The following KLHL13 variants were observed in gnomAD, a reference collection of about 807,000 sequenced individuals.
KLHL13 encodes kelch-like protein 13.
Under a neutral mutation model 37.1 loss-of-function variants are expected in KLHL13, and 10 were observed. The ratio of observed to expected loss-of-function variants is 0.27; its 90% CI spans 0.17 to 0.46. KLHL13 has a LOEUF of 0.46. Among genes scored for constraint, KLHL13 ranks in the 20% least tolerant of loss-of-function variants. The pLI is 1.00. For synonymous variants in KLHL13, 163 were observed against 181.2 expected, an observed-to-expected ratio of 0.90 and a Z score of 0.81; for missense variants, 360 against 509.3, an observed-to-expected ratio of 0.71 and a Z score of 2.82.
chrX:118,030,475 A>G (rs947807195), intron 1 of KLHL13, among the ~76,000 whole-genome samples: 3 of 111,957 alleles, frequency 2.7e-5, no homozygotes, highest in African/African-American at 9.7e-5. Context: ...AATTGCATCT[A>G]GGATGAAACA....
intron 1 of KLHL13, among the ~76,000 whole-genome samples, chrX:117,952,607 A>G (rs1245163022): frequency 9.2e-6 from 1 of 108,998 alleles, no homozygotes; most frequent in Non-Finnish European, 1.9e-5. Flanking sequence ...TACCATCAGA[A>G]TGAACAGGCA....
chrX:117,930,306 C>CAGGCAGGCAGGAAGGCAGGA (rs1932379984), intron 2 of KLHL13, among the ~76,000 whole-genome samples: 1 of 99,131 alleles, frequency 1.0e-5, no homozygotes, highest in African/African-American at 3.8e-5. Context: ...GGCAGGCAGG[C>CAGGCAGGCAGGAAGGCAGGA]AGGCAGGCAG....
chrX:118,039,780 C>T (rs1254381490), intron 1 of KLHL13, among the ~76,000 whole-genome samples: 2 of 111,188 alleles, frequency 1.8e-5, no homozygotes, highest in African/African-American at 3.3e-5. Flanking sequence ...GAGCCTTGGG[C>T]AAAACCCAGG....
chrX:118,036,431 C>T (rs2054442347), intron 1 of KLHL13, among the ~76,000 whole-genome samples: 2 of 111,020 alleles, frequency 1.8e-5, no homozygotes, highest in East Asian at 5.7e-4. Flanking sequence ...CCCTCAGAAA[C>T]AACGCCGCAT....
At chrX:118,011,008 G>A (rs1229336520) in intron 1 of KLHL13, among the ~76,000 whole-genome samples, 1 of 110,191 alleles carries the variant, frequency 9.1e-6, no homozygotes, top group African/African-American at 3.3e-5. Context: ...GGGAAGTCAA[G>A]GCTGCAGTGA....
upstream of KLHL13, chrX:118,116,867 G>A (rs1207146243): frequency 2.4e-5 from 2 of 83,059 alleles, no homozygotes; most frequent in South Asian, 6.4e-4. Flanking sequence ...GGGGGCAGTG[G>A]GGGGGGGAGC....
intron 1 of KLHL13, among the ~76,000 whole-genome samples, chrX:117,966,365 C>A (rs1192140709): frequency 2.7e-5 from 3 of 110,372 alleles, no homozygotes. Flanking sequence ...ATGTGAAGGA[C>A]CTCTTCAAGG....
At chrX:118,092,377 G>T (rs1426608708) in intron 1 of KLHL13, among the ~76,000 whole-genome samples, 3 of 110,952 alleles carry the variant, frequency 2.7e-5, no homozygotes, top group African/African-American at 9.8e-5. Flanking sequence ...AACCATGGAG[G>T]CCATAAAGAA....
intron 1 of KLHL13, among the ~76,000 whole-genome samples, chrX:118,111,070 T>A (rs1039644480): frequency 2.7e-5 from 3 of 112,377 alleles, no homozygotes; most frequent in African/African-American, 9.7e-5. Context: ...AAGTAGTTTA[T>A]TTACCTCCCT....
At chrX:118,070,917 C>T (rs2054854837) in intron 1 of KLHL13, among the ~76,000 whole-genome samples, 1 of 106,376 alleles carries the variant, frequency 9.4e-6, no homozygotes. Flanking sequence ...TTCCCCCACC[C>T]CACAACAGTC....
chrX:118,073,175 C>T (rs1056808051), intron 1 of KLHL13, among the ~76,000 whole-genome samples: 8 of 110,412 alleles, frequency 7.2e-5, no homozygotes, highest in African/African-American at 2.6e-4. Flanking sequence ...AGTCTGTTTT[C>T]ATGCTGCTGA....
At chrX:117,965,071 A>C (rs1312039643) in intron 1 of KLHL13, among the ~76,000 whole-genome samples, 1 of 112,057 alleles carries the variant, frequency 8.9e-6, no homozygotes, top group Admixed American at 9.5e-5. Flanking sequence ...TCTTTATAGC[A>C]GCATAAATTA....
chrX:118,014,643 A>G (rs992539139), intron 1 of KLHL13, among the ~76,000 whole-genome samples: 1 of 112,435 alleles, frequency 8.9e-6, no homozygotes, highest in Non-Finnish European at 1.9e-5. Flanking sequence ...GCTCAAGTGG[A>G]TATCACAGAA....
At chrX:117,954,766 CTGGTG>C (rs1933818316) in intron 1 of KLHL13, among the ~76,000 whole-genome samples, 1 of 112,250 alleles carries the variant, frequency 8.9e-6, no homozygotes, top group South Asian at 3.7e-4. Flanking sequence ...TTACAATCCT[CTGGTG>C]AAGCATAGGC....
At chrX:117,989,269 T>A (rs1189678049) in intron 1 of KLHL13, among the ~76,000 whole-genome samples, 2 of 111,132 alleles carry the variant, frequency 1.8e-5, no homozygotes, top group African/African-American at 6.5e-5. Context: ...AATGCAGGCA[T>A]TAATATTCCC....
chrX:117,985,194 ATGAG>A (rs2053709619), intron 1 of KLHL13: 3 of 934,525 alleles, frequency 3.2e-6, no homozygotes, highest in African/African-American at 1.9e-5. Flanking sequence ...TGCTATTTTA[ATGAG>A]TAAGTAACAG....
chrX:117,935,834 A>G (rs764833934), intron 2 of KLHL13, among the ~76,000 whole-genome samples: 11 of 111,237 alleles, frequency 9.9e-5, no homozygotes, highest in Non-Finnish European at 1.5e-4. Context: ...CCATATTGAG[A>G]AAAGAGTTGG....
chrX:118,090,184 C>A (rs1331238692), intron 1 of KLHL13, among the ~76,000 whole-genome samples: 2 of 109,520 alleles, frequency 1.8e-5, no homozygotes, highest in Non-Finnish European at 3.8e-5. Context: ...CCATAAAAAA[C>A]CCTAGAAGAA....
At chrX:118,058,668 G>A (rs1301801018) in intron 1 of KLHL13, among the ~76,000 whole-genome samples, 1 of 111,636 alleles carries the variant, frequency 9.0e-6, no homozygotes, top group Non-Finnish European at 1.9e-5. Flanking sequence ...CTTTCATTAA[G>A]GCAGAAAGAA....
Sources: gnomAD v4.1 joint callset for allele counts (sites outside exome capture counted in the v4.1 genomes callset) on GRCh38, gnomAD v4.1.1 for gene constraint, MANE v1.5 for transcripts, NCBI Gene and HGNC (gene_info 2026-07-23, HGNC 2026-07-21) for gene names.